Variants in TECPR2 observed in about 807,000 individuals in gnomAD.
TECPR2 encodes the protein tectonin beta-propeller repeat containing 2.
Under a neutral mutation model 138.1 loss-of-function variants are expected in TECPR2, and 65 were observed. The ratio of observed to expected loss-of-function variants is 0.47; its 90% confidence interval spans 0.39 to 0.58. TECPR2 has a LOEUF of 0.58. Among genes scored for constraint, TECPR2 ranks in the 20% least tolerant of loss-of-function variants. The probability of loss-of-function intolerance (pLI) is 0.00; values close to 1 mark genes in which losing one functional copy is unlikely to be tolerated. For synonymous variants in TECPR2, 746 were observed against 749.8 expected, an observed-to-expected ratio of 0.99 and a Z score of 0.08; for missense variants, 1,553 against 1,824.5, an observed-to-expected ratio of 0.85 and a Z score of 2.71.
intron 17 of TECPR2, among the ~76,000 whole-genome samples, chr14:102,492,368 C>T (rs1242835709): frequency 6.6e-6 from 1 of 152,228 alleles, no homozygotes; most frequent in Non-Finnish European, 1.5e-5. Context: ...AGTGTGGCAG[C>T]AGCCAGGGCC....
Position 102,431,931 on chromosome 14 carries a change from G to A in TECPR2, c.1220G>A (p.Arg407Lys). 1 of 1,611,154 alleles carries A rather than the reference G, an allele frequency of 6.2e-7. No individual in the cohort carries two copies. The change falls in exon 8 of 20, where the codon AGG becomes AAG. Residue 407 changes from arginine (R) to lysine (K), a missense_variant. By Grantham distance (26) the Arg-to-Lys change is conservative (BLOSUM62 2). Transcript: ENST00000359520. ...SMASSVASEP[R>K]SRSSSLNSTD... ...GCCAGCTCCGTGGCCAGCGAGCCAA[G>A]GAGCAGGAGCAGCTCGCTCAACTCC...
chr14:102,484,588 G>A (rs945458453), intron 17 of TECPR2, among the ~76,000 whole-genome samples: 3 of 152,124 alleles, frequency 2.0e-5, no homozygotes, highest in African/African-American at 7.2e-5. Context: ...TCCTTGCCAT[G>A]CATCCCCCAC....
At chr14:102,384,941 C>G (rs1778920292) in intron 2 of TECPR2, among the ~76,000 whole-genome samples, 1 of 139,642 alleles carries the variant, frequency 7.2e-6, no homozygotes, top group Non-Finnish European at 1.5e-5. Flanking sequence ...ACTGCGACCT[C>G]TGCCTCCTAG....
Position 102,405,083 on chromosome 14 carries a change from G to A in TECPR2, c.220-2255G>A, listed in dbSNP as rs555011854. On this transcript the variant is annotated intron_variant, in intron 2 of 19. Coordinates refer to ENST00000359520, the MANE Select transcript of TECPR2 (RefSeq NM_014844.5). ...CAGCACTTGGGAGGCCCAGGCAGGC[G>A]GATCACTTGAGGCCAGGAGTTTGAG... Among the ~76,000 whole-genome samples the A allele has an allele frequency of 6.6e-5, 10 of 152,056 alleles. 1 individual carries two copies. Among genetic ancestry groups the A allele is most frequent in the African/African-American group, 2.2e-4 (9 of 41,512 alleles).
intron 2 of TECPR2, among the ~76,000 whole-genome samples, chr14:102,401,730 G>T (rs144935577): frequency 0.027 from 4,043 of 149,070 alleles, 69 homozygotes; most frequent in Middle Eastern, 0.078. Context: ...GCGTGAACCC[G>T]GGAGGCAGAG....
intron 17 of TECPR2, among the ~76,000 whole-genome samples, chr14:102,482,103 G>A (rs1890905914): frequency 6.6e-6 from 1 of 151,670 alleles, no homozygotes; most frequent in African/African-American, 2.4e-5. Flanking sequence ...AGGCTGGCGT[G>A]CAATGGTGCG....
Position 102,498,207 on chromosome 14 carries a change from G to T in TECPR2, c.4186G>T (p.Ala1396Ser). 1 of 1,608,286 alleles carries T rather than the reference G, an allele frequency of 6.2e-7. No individual in the cohort carries two copies. Residue 1396 changes from alanine (A) to serine (S), a missense_variant, in exon 20 of 20, where the codon GCC (alanine) becomes TCC (serine). Physicochemically the swap from Ala to Ser is moderately conservative, Grantham distance 99. Coordinates refer to ENST00000359520, the MANE Select transcript of TECPR2 (RefSeq NM_014844.5). ...GCACGGCACCCAGAAGAGCAGCCAGGCCGCCATGCCCCACCCTGAGGACCT... is the reference window on the plus strand; with the variant it reads ...GCACGGCACCCAGAAGAGCAGCCAGTCCGCCATGCCCCACCCTGAGGACCT... Reference protein sequence around the residue: ...HSHGTQKSSQAAMPHPEDLED... With the variant: ...HSHGTQKSSQSAMPHPEDLED...
At chr14:102,436,307 C>CTTCT (rs753434597) in intron 9 of TECPR2, among the ~76,000 whole-genome samples, 49 of 149,066 alleles carry the variant, frequency 3.3e-4, no homozygotes, top group South Asian at 4.2e-4. Context: ...GCTTTTTTTT[C>CTTCT]TTCTTTCTTT....
intron 17 of TECPR2, among the ~76,000 whole-genome samples, chr14:102,482,350 C>T (rs2139787670): frequency 6.6e-6 from 1 of 152,358 alleles, no homozygotes; most frequent in East Asian, 1.9e-4. Flanking sequence ...GCCACTACAC[C>T]CAGCCTGCTC....
chr14:102,498,013 C>A, intron 19 of TECPR2, 90 bp from the exon 20 acceptor site: 1 of 1,541,176 alleles, frequency 6.5e-7, no homozygotes, highest in Non-Finnish European at 8.7e-7. Context: ...TGTGGCAAGC[C>A]CAGACCTGCG....
rs766446059 is a variant in TECPR2, at chr14:102,497,081, G to A, written c.3892G>A (p.Glu1298Lys). Reference sequence around the variant, plus strand: ...CGTGCACGTGCGGACCGGGATCACCGAGGAGATGCCTGTGGGGACCGCCTG... The same window carrying A: ...CGTGCACGTGCGGACCGGGATCACCAAGGAGATGCCTGTGGGGACCGCCTG... ...WNVHVRTGIT[E>K]EMPVGTAWEH... Residue 1298 changes from glutamate to lysine, a missense_variant, in exon 18 of 20, where the codon GAG becomes AAG. Glu to Lys is a moderately conservative substitution (Grantham distance 56). Transcript: ENST00000359520. 8.1e-6 allele frequency: 13 copies of A among 1,613,060 alleles called. No individual in the cohort carries two copies. The highest frequency in any genetic ancestry group is 1.1e-5 in the South Asian group (1 of 91,090).
At chr14:102,389,946 T>C (rs1237745144) in intron 2 of TECPR2, among the ~76,000 whole-genome samples, 2 of 152,242 alleles carry the variant, frequency 1.3e-5, no homozygotes, top group Non-Finnish European at 2.9e-5. Flanking sequence ...ATTCAAACAT[T>C]AAACAGATGT....
At chr14:102,491,593 T>C (rs1253620200) in intron 17 of TECPR2, among the ~76,000 whole-genome samples, 1 of 152,214 alleles carries the variant, frequency 6.6e-6, no homozygotes, top group Non-Finnish European at 1.5e-5. Flanking sequence ...GCCTGAAGCC[T>C]GCCATCAGCC....
Position 102,440,096 on chromosome 14 carries a change from T to C in TECPR2, c.2579-340T>C, listed in dbSNP as rs114470210. On this transcript the variant is annotated intron_variant, in intron 10 of 19. Coordinates refer to ENST00000359520, the MANE Select transcript of TECPR2 (RefSeq NM_014844.5). Reference sequence around the variant, plus strand: ...AATGTCATCAGTGTTTCTCCTCCCGTGTGAGGAGCGCCTGTCATGTGCCCA... The same window carrying C: ...AATGTCATCAGTGTTTCTCCTCCCGCGTGAGGAGCGCCTGTCATGTGCCCA... Among the ~76,000 whole-genome samples the C allele has an allele frequency of 4.6e-3, 701 of 152,314 alleles. 8 individuals carry two copies. The highest frequency in any genetic ancestry group is 0.016 in the African/African-American group (662 of 41,576).
At position 102,497,066 on chromosome 14, in the gene TECPR2, C is replaced by A; in HGVS notation, c.3877C>A (p.Arg1293=). 5 of 1,613,612 alleles carry A rather than the reference C, an allele frequency of 3.1e-6. No homozygotes were observed. Among genetic ancestry groups the A allele is most frequent in the Non-Finnish European group, 4.2e-6 (5 of 1,180,030 alleles). ...VLDSRWNVHV[R]TGITEEMPVG... ...TGACAGCAGGTGGAACGTGCACGTG[C>A]GGACCGGGATCACCGAGGAGATGCC... The change falls in exon 18 of 20, where the codon CGG becomes AGG. Residue 1293 remains arginine, a synonymous_variant. Transcript: ENST00000359520.
intron 16 of TECPR2, among the ~76,000 whole-genome samples, chr14:102,464,314 A>G (rs1228234714): frequency 6.6e-6 from 1 of 152,134 alleles, no homozygotes; most frequent in Non-Finnish European, 1.5e-5. Context: ...AACTCTTCCC[A>G]TTTCCTTTCC....
intron 2 of TECPR2, among the ~76,000 whole-genome samples, chr14:102,386,356 GCT>G: frequency 6.6e-6 from 1 of 152,190 alleles, no homozygotes; most frequent in South Asian, 2.1e-4. Context: ...TGTAATCCCA[GCT>G]ACTCAGGAGA....
At chr14:102,463,344 G>A (rs902592676) in intron 16 of TECPR2, among the ~76,000 whole-genome samples, 5 of 150,110 alleles carry the variant, frequency 3.3e-5, no homozygotes, top group Non-Finnish European at 5.9e-5. Flanking sequence ...GTGAACCCGG[G>A]AGGCGGAGCT....
rs563875168 is a variant in TECPR2, at chr14:102,480,349, C to T, written c.3789+15060C>T. ...ACGCCATTCTCCTGCCTCAGCCTCC[C>T]GAGTAGCTGGGACTACAGGCGCCCA... is the stretch of plus-strand genomic sequence containing the variant. On this transcript the variant is annotated intron_variant, in intron 17 of 19. Transcript: ENST00000359520. Among the ~76,000 whole-genome samples, 19 of 151,830 alleles carry T rather than the reference C, an allele frequency of 1.3e-4. No homozygotes were observed. In the South Asian group the frequency reaches 3.1e-3, roughly 25 times the overall value.
Sources: allele counts gnomAD v4.1 joint callset (sites outside exome capture counted in the v4.1 genomes callset), GRCh38; gene constraint gnomAD v4.1.1; transcripts MANE v1.5; gene names NCBI Gene and HGNC (gene_info 2026-07-23, HGNC 2026-07-21).